Variants in EYS observed in about 807,000 individuals in gnomAD.
EYS encodes the protein EGF-like photoreceptor maintenance factor.
Under a neutral mutation model 282.1 loss-of-function variants are expected in EYS, and 250 were observed. The observed-to-expected ratio is 0.89, with a 90% CI of 0.80 to 0.98. EYS has a LOEUF of 0.98. Ranked by LOEUF, EYS falls within the 50% of genes least tolerant of loss-of-function variation. The pLI is 0.00. For synonymous variants in EYS, 1,355 were observed against 1,282.9 expected (o/e 1.06, Z -1.20); for missense variants, 4,016 against 3,709.0 (o/e 1.08, Z -2.15).
chr6:65,529,460 C>T (rs889062226), intron 2 of EYS, among the ~76,000 whole-genome samples: 2 of 152,068 alleles, frequency 1.3e-5, no homozygotes, highest in African/African-American at 4.8e-5. Context: ...AACTAAAATC[C>T]CCTAGAACAA....
chr6:65,540,855 G>C (rs573056494), intron 2 of EYS, among the ~76,000 whole-genome samples: 1 of 152,040 alleles, frequency 6.6e-6, no homozygotes, highest in East Asian at 1.9e-4. Flanking sequence ...TCCGGGAAGC[G>C]GAGGTAGCAG....
At chr6:64,943,390 C>A (rs9363296) in intron 15 of EYS, among the ~76,000 whole-genome samples, 5,100 of 152,038 alleles carry the variant, frequency 0.034, 152 homozygotes, top group East Asian at 0.15. Flanking sequence ...CAAAAAGGAA[C>A]AAAATAAGTC....
At chr6:65,313,978 AT>A (rs946656417) in intron 11 of EYS, among the ~76,000 whole-genome samples, 1 of 152,042 alleles carries the variant, frequency 6.6e-6, no homozygotes, top group African/African-American at 2.4e-5. Context: ...GTCTCCTAAA[AT>A]TTTATCCACC....
chr6:65,235,233 T>C (rs956541561), intron 12 of EYS, among the ~76,000 whole-genome samples: 1 of 152,172 alleles, frequency 6.6e-6, no homozygotes, highest in Non-Finnish European at 1.5e-5. Flanking sequence ...GAAAATAGTA[T>C]AACTGATTTA....
intron 1 of EYS, among the ~76,000 whole-genome samples, chr6:65,704,000 G>A (rs1253887637): frequency 6.6e-6 from 1 of 152,052 alleles, no homozygotes; most frequent in African/African-American, 2.4e-5. Flanking sequence ...TCGCTGAGAA[G>A]GAAGGTGAAA....
intron 12 of EYS, among the ~76,000 whole-genome samples, chr6:65,168,656 A>G (rs115979529): frequency 0.027 from 4,141 of 151,368 alleles, 75 homozygotes; most frequent in Non-Finnish European, 0.044. Context: ...CAACACAGAA[A>G]TGTAGAGGGT....
intron 22 of EYS, among the ~76,000 whole-genome samples, chr6:64,775,146 A>C (rs1773640450): frequency 6.6e-6 from 1 of 151,974 alleles, no homozygotes; most frequent in Non-Finnish European, 1.5e-5. Flanking sequence ...AGACATTCCA[A>C]ATCAAATTAT....
chr6:64,903,071 T>A (rs1767715833), intron 16 of EYS, among the ~76,000 whole-genome samples: 1 of 152,110 alleles, frequency 6.6e-6, no homozygotes, highest in Admixed American at 6.6e-5. Flanking sequence ...CAGTTGCAAT[T>A]ATTTCAACAC....
At chr6:65,434,718 T>A (rs1030144776) in intron 5 of EYS, among the ~76,000 whole-genome samples, 4 of 145,460 alleles carry the variant, frequency 2.7e-5, no homozygotes, top group Non-Finnish European at 2.9e-5. Flanking sequence ...TCATCATACT[T>A]CTTCTCCTGA....
chr6:65,309,417 G>A (rs919720584), intron 11 of EYS, among the ~76,000 whole-genome samples: 1 of 152,138 alleles, frequency 6.6e-6, no homozygotes, highest in Admixed American at 6.5e-5. Context: ...CAAGGGTGAT[G>A]GGAAACATGG....
chr6:65,026,655 C>T (rs1414158032), intron 13 of EYS, among the ~76,000 whole-genome samples: 1 of 152,140 alleles, frequency 6.6e-6, no homozygotes, highest in Admixed American at 6.6e-5. Context: ...TGGTGGCTCT[C>T]TCCTGTAATC....
intron 2 of EYS, among the ~76,000 whole-genome samples, chr6:65,544,432 G>C (rs1447563896): frequency 1.3e-5 from 2 of 152,012 alleles, no homozygotes; most frequent in Non-Finnish European, 2.9e-5. Flanking sequence ...ATCTTCATTT[G>C]TAGTTCCAGT....
chr6:64,283,542 C>T (rs528730941), intron 30 of EYS, among the ~76,000 whole-genome samples: 3 of 152,188 alleles, frequency 2.0e-5, no homozygotes, highest in East Asian at 1.9e-4. Flanking sequence ...AAATGATAAA[C>T]ATGCCTAGTG....
intron 26 of EYS, among the ~76,000 whole-genome samples, chr6:64,529,046 G>T (rs1051618439): frequency 1.3e-5 from 2 of 152,020 alleles, no homozygotes; most frequent in South Asian, 2.1e-4. Flanking sequence ...TCCTAAAACG[G>T]TTTATATGTA....
At chr6:64,347,313 T>A (rs1001166606) in intron 29 of EYS, among the ~76,000 whole-genome samples, 9 of 151,476 alleles carry the variant, frequency 5.9e-5, no homozygotes, top group African/African-American at 1.9e-4. Context: ...AGATATATGA[T>A]ATTAAGAAAT....
At chr6:64,694,587 T>C (rs932633784) in intron 22 of EYS, among the ~76,000 whole-genome samples, 5 of 152,102 alleles carry the variant, frequency 3.3e-5, no homozygotes, top group Admixed American at 2.0e-4. Flanking sequence ...CTTTAATTCA[T>C]AGGTGACTGC....
In EYS at chr6:64,950,790, TAC is replaced by T. The variant is rs1366506967; in HGVS notation, c.2260-4878_2260-4877del. Among the ~76,000 whole-genome samples, 17 of 88,958 alleles carry T rather than the reference TAC, an allele frequency of 1.9e-4. No individual in the cohort carries two copies. The South Asian group carries it at 4.7e-3, about 25-fold the overall frequency. 58.4% of individuals were successfully genotyped at this position (88,958 alleles called of 152,430 possible). A position where few individuals can be genotyped will look rare whatever the true frequency, so the allele number is the denominator to read the frequency against. Reference sequence around the variant, plus strand: ...ACTGAATAAAAAATATATACACATATACATATACATATATATATATATATATA... The same window carrying T: ...ACTGAATAAAAAATATATACACATATATATACATATATATATATATATATA... On this transcript the variant is annotated intron_variant, in intron 14 of 42. Transcript: ENST00000503581.
At chr6:63,947,752 A>G (rs1765441654) in intron 35 of EYS, among the ~76,000 whole-genome samples, 2 of 152,228 alleles carry the variant, frequency 1.3e-5, no homozygotes, top group Non-Finnish European at 1.5e-5. Flanking sequence ...AATTAGAAAA[A>G]AAATGCCCCC....
intron 11 of EYS, chr6:65,329,797 C>A: frequency 4.1e-6 from 4 of 982,656 alleles, no homozygotes; most frequent in Non-Finnish European, 4.8e-6. Flanking sequence ...TTATACTATA[C>A]TTTTGTGCCA....
Sources: allele counts gnomAD v4.1 joint callset (sites outside exome capture counted in the v4.1 genomes callset), GRCh38; gene constraint gnomAD v4.1.1; transcripts MANE v1.5; gene names NCBI Gene and HGNC (gene_info 2026-07-23, HGNC 2026-07-21).